The following DRC11 variants were observed in gnomAD, a reference collection of about 807,000 sequenced individuals.
The protein encoded by DRC11 is IQ and AAA domain-containing protein 1.
the DRC11 span, among the ~76,000 whole-genome samples, chr2:236,345,025 A>G: frequency 1.4e-5 from 2 of 144,662 alleles, no homozygotes; most frequent in South Asian, 2.2e-4. Flanking sequence ...CCCTGGTTGT[A>G]AATGTGCTTC....
At chr2:236,486,173 C>T in the DRC11 span, among the ~76,000 whole-genome samples, 1 of 152,174 alleles carries the variant, frequency 6.6e-6, no homozygotes, top group Non-Finnish European at 1.5e-5. This position sits in a 1 kb window ranked among gnomAD's most constrained non-coding sequence, Gnocchi z 5.7. Context: ...TGAACTGTGG[C>T]CCAGGATCTG....
At chr2:236,502,062 C>G in the DRC11 span, among the ~76,000 whole-genome samples, 2 of 152,076 alleles carry the variant, frequency 1.3e-5, no homozygotes, top group Non-Finnish European at 2.9e-5. Flanking sequence ...AAATGCCCTC[C>G]CCACACACCA....
At chr2:236,499,134 T>C in the DRC11 span, among the ~76,000 whole-genome samples, 1 of 152,214 alleles carries the variant, frequency 6.6e-6, no homozygotes, top group East Asian at 1.9e-4. The surrounding 1 kb of genome is among the most constrained non-coding windows in gnomAD (Gnocchi z 4.7). Flanking sequence ...CGTGCTTACC[T>C]GTGCCTGGCG....
chr2:236,408,334 C>A, the DRC11 span: 1 of 770,894 alleles, frequency 1.3e-6, no homozygotes, highest in Non-Finnish European at 2.4e-6. The surrounding 1 kb of genome is among the most constrained non-coding windows in gnomAD (Gnocchi z 5.5). Context: ...CTTGCGCAAG[C>A]CTCAGTGGGT....
chr2:236,342,662 G>C, the DRC11 span, among the ~76,000 whole-genome samples: 2 of 151,742 alleles, frequency 1.3e-5, no homozygotes, highest in South Asian at 4.2e-4. The surrounding 1 kb of genome is among the most constrained non-coding windows in gnomAD (Gnocchi z 5.8). Context: ...GCATGCACAC[G>C]CAATGGTTTC....
the DRC11 span, among the ~76,000 whole-genome samples, chr2:236,357,812 A>C: frequency 9.8e-5 from 11 of 112,222 alleles, no homozygotes; most frequent in South Asian, 5.3e-4. Context: ...TAAATATAGA[A>C]TATATAAATA....
At chr2:236,346,513 T>C in the DRC11 span, among the ~76,000 whole-genome samples, 1 of 152,200 alleles carries the variant, frequency 6.6e-6, no homozygotes, top group African/African-American at 2.4e-5. Context: ...TGCTGGCAGC[T>C]GAGGCAGCCT....
the DRC11 span, among the ~76,000 whole-genome samples, chr2:236,499,452 A>G: frequency 5.3e-5 from 8 of 152,032 alleles, no homozygotes; most frequent in East Asian, 1.4e-3. This position sits in a 1 kb window ranked among gnomAD's most constrained non-coding sequence, Gnocchi z 4.7. Context: ...TTCTTTTTAG[A>G]CAGTCTCACT....
chr2:236,476,113 T>C, the DRC11 span, among the ~76,000 whole-genome samples: 1 of 152,172 alleles, frequency 6.6e-6, no homozygotes, highest in East Asian at 1.9e-4. The surrounding 1 kb of genome is among the most constrained non-coding windows in gnomAD (Gnocchi z 4.7). Context: ...TTGTGAAGAA[T>C]ATCATTTTGA....
chr2:236,342,630 C>A, the DRC11 span, among the ~76,000 whole-genome samples: 1 of 152,210 alleles, frequency 6.6e-6, no homozygotes, highest in Non-Finnish European at 1.5e-5. This position sits in a 1 kb window ranked among gnomAD's most constrained non-coding sequence, Gnocchi z 5.8. Context: ...CCGAGTGGAG[C>A]TGGAGTTCCG....
At chr2:236,454,240 C>T in the DRC11 span, among the ~76,000 whole-genome samples, 1 of 152,122 alleles carries the variant, frequency 6.6e-6, no homozygotes, top group East Asian at 1.9e-4. This position sits in a 1 kb window ranked among gnomAD's most constrained non-coding sequence, Gnocchi z 5.3. Context: ...ACTTGGTGCC[C>T]GGATAAACCA....
the DRC11 span, among the ~76,000 whole-genome samples, chr2:236,401,930 A>C: frequency 6.6e-6 from 1 of 152,138 alleles, no homozygotes; most frequent in Admixed American, 6.5e-5. The surrounding 1 kb of genome is among the most constrained non-coding windows in gnomAD (Gnocchi z 4.6). Context: ...ACTTAAACTT[A>C]TGTTCTTTAA....
chr2:236,345,239 T>A, the DRC11 span, among the ~76,000 whole-genome samples: 2 of 152,158 alleles, frequency 1.3e-5, no homozygotes, highest in South Asian at 2.1e-4. Context: ...TCAGCTCTGC[T>A]GCACAGGCAC....
the DRC11 span, among the ~76,000 whole-genome samples, chr2:236,343,378 C>T: frequency 6.6e-6 from 1 of 152,204 alleles, no homozygotes; most frequent in Non-Finnish European, 1.5e-5. This position sits in a 1 kb window ranked among gnomAD's most constrained non-coding sequence, Gnocchi z 6.6. Flanking sequence ...ATGCAGGGGG[C>T]TGCATGAACT....
At chr2:236,373,881 A>G in the DRC11 span, among the ~76,000 whole-genome samples, 150 of 152,220 alleles carry the variant, frequency 9.9e-4, 1 homozygote, top group Non-Finnish European at 4.4e-4. Flanking sequence ...TCTATGCTTC[A>G]TCTTTACTTT....
At chr2:236,336,276 CA>C in the DRC11 span, among the ~76,000 whole-genome samples, 6 of 151,680 alleles carry the variant, frequency 4.0e-5, no homozygotes, top group Admixed American at 1.3e-4. The surrounding 1 kb of genome is among the most constrained non-coding windows in gnomAD (Gnocchi z 7.3). Flanking sequence ...GTTCTTTTAG[CA>C]AAAAAAACGG....
chr2:236,447,882 A>G, the DRC11 span, among the ~76,000 whole-genome samples: 60,756 of 118,454 alleles, frequency 0.51, 13,142 homozygotes, highest in Non-Finnish European at 0.52. This position sits in a 1 kb window ranked among gnomAD's most constrained non-coding sequence, Gnocchi z 4.6. Flanking sequence ...AAAGCTGGCC[A>G]GGGGAGGGTG....
the DRC11 span, among the ~76,000 whole-genome samples, chr2:236,462,600 G>A: frequency 4.6e-4 from 70 of 152,078 alleles, no homozygotes; most frequent in Non-Finnish European, 8.4e-4. The surrounding 1 kb of genome is among the most constrained non-coding windows in gnomAD (Gnocchi z 6.4). Flanking sequence ...AAACTTGGGC[G>A]GCGGAGGTTG....
the DRC11 span, among the ~76,000 whole-genome samples, chr2:236,426,229 T>C: frequency 1.3e-5 from 2 of 152,040 alleles, no homozygotes; most frequent in African/African-American, 4.8e-5. This position sits in a 1 kb window ranked among gnomAD's most constrained non-coding sequence, Gnocchi z 4.1. Flanking sequence ...TTGGGTAATA[T>C]GTTCATTTTT....
Sources: allele counts gnomAD v4.1 joint callset (sites outside exome capture counted in the v4.1 genomes callset), GRCh38; gene constraint gnomAD v4.1.1; non-coding constraint Gnocchi (gnomAD v3.1); transcripts MANE v1.5; gene names NCBI Gene and HGNC (gene_info 2026-07-23, HGNC 2026-07-21).